SPRED1: variants seen among roughly 807,000 people sequenced by gnomAD.
SPRED1 encodes the protein sprouty-related, EVH1 domain-containing protein 1.
SPRED1 carries 18 observed loss-of-function variants against 52.3 expected under a neutral mutation model. The observed-to-expected ratio is 0.34, with a 90% CI of 0.24 to 0.51. The LOEUF (loss-of-function observed/expected upper bound fraction) is 0.51. Among genes scored for constraint, SPRED1 ranks in the 20% least tolerant of loss-of-function variants. The probability of loss-of-function intolerance (pLI) is 0.97; values close to 1 mark genes in which losing one functional copy is unlikely to be tolerated. For missense variants in SPRED1, 485 were observed against 551.0 expected, an observed-to-expected ratio of 0.88 and a Z score of 1.20; for synonymous variants, 155 against 179.7, an observed-to-expected ratio of 0.86 and a Z score of 1.10.
In SPRED1 at chr15:38,350,830, C is replaced by T. The variant is rs12914722; in HGVS notation, c.685-184C>T. 0.82 allele frequency among the ~76,000 whole-genome samples: 125,281 copies of T among 152,152 alleles called. 52,384 individuals are homozygous for T. The highest frequency in any genetic ancestry group is 0.9 in the Non-Finnish European group (60,974 of 68,016). On this transcript the variant is annotated intron_variant, in intron 6 of 6. Transcript: ENST00000299084. ...ACTGATTTTATGAGGTCCGCCTATA[C>T]CACAGAAGGTACTGTGCTTTCCTCA...
chr15:38,339,621 G>C, intron 4 of SPRED1, 116 bp from the exon 5 acceptor site: 1 of 1,006,782 alleles, frequency 9.9e-7, no homozygotes, highest in Admixed American at 1.8e-5. Context: ...TCATAGCGAT[G>C]GTAGCGATAT....
intron 1 of SPRED1, among the ~76,000 whole-genome samples, chr15:38,290,712 A>G (rs1894905705): frequency 6.6e-6 from 1 of 152,202 alleles, no homozygotes; most frequent in Non-Finnish European, 1.5e-5. Context: ...GAAACCCCTC[A>G]TAAACCCATC....
At chr15:38,279,051 C>A (rs1235056657) in intron 1 of SPRED1, among the ~76,000 whole-genome samples, 1 of 152,122 alleles carries the variant, frequency 6.6e-6, no homozygotes, top group African/African-American at 2.4e-5. Context: ...TGGTCTCGAA[C>A]TCCTGACCTC....
At position 38,351,476 on chromosome 15, in the gene SPRED1, T is replaced by C. The variant is rs755208632; in HGVS notation, c.1147T>C (p.Ser383Pro). 5 of 1,614,160 alleles carry C rather than the reference T, an allele frequency of 3.1e-6. No homozygotes were observed. The highest frequency in any genetic ancestry group is 1.6e-4 in the Middle Eastern group (1 of 6,062). The change falls in exon 7 of 7, where the codon TCA (serine) becomes CCA (proline). Residue 383 changes from serine (S) to proline (P), a missense_variant. Ser to Pro is a moderately conservative substitution (Grantham distance 74, BLOSUM62 -1). Around this residue, in one of 5 missense-constraint regions of SPRED1, gnomAD observed 205 missense variants for 245.2 expected, o/e 0.84. Coordinates refer to ENST00000299084, the MANE Select transcript of SPRED1 (RefSeq NM_152594.3). ...CATGTTGTATCATTGTATGTCAGAC[T>C]CAGAGGGAGATTTTTCTGATCCCTG... ...ESMLYHCMSD[S>P]EGDFSDPCSC...
intron 1 of SPRED1, among the ~76,000 whole-genome samples, chr15:38,276,195 C>T (rs1017640586): frequency 2.1e-4 from 31 of 149,298 alleles, no homozygotes; most frequent in Non-Finnish European, 4.3e-4. Flanking sequence ...TACTAGGAGA[C>T]ATTGTGCTGT....
intron 5 of SPRED1, among the ~76,000 whole-genome samples, chr15:38,344,548 C>G (rs751967834): frequency 7.9e-5 from 12 of 152,250 alleles, no homozygotes; most frequent in Non-Finnish European, 1.3e-4. Context: ...GCAGACAGCT[C>G]TTAGCTTTGG....
At chr15:38,337,075 G>T (rs1056799535) in intron 4 of SPRED1, among the ~76,000 whole-genome samples, 2 of 152,032 alleles carry the variant, frequency 1.3e-5, no homozygotes, top group Admixed American at 6.6e-5. Flanking sequence ...AAAGCTTTTG[G>T]TACATTTTAT....
rs1894965090 is a variant in SPRED1 at position 38,293,384 on chromosome 15, C to T, written c.33-5989C>T. On this transcript the variant is annotated intron_variant, in intron 1 of 6. Coordinates refer to ENST00000299084, the MANE Select transcript of SPRED1 (RefSeq NM_152594.3). ...AAGTGCTGGGATTGCAGGAGTGAGC[C>T]ACCACACCCGGCTCCAAGATTACAA... 5.9e-5 allele frequency among the ~76,000 whole-genome samples: 9 copies of T among 152,200 alleles called. No individual in the cohort carries two copies. The South Asian group carries it at 1.7e-3, about 28-fold the overall frequency.
intron 5 of SPRED1, among the ~76,000 whole-genome samples, chr15:38,346,655 A>T (rs1481353588): frequency 6.6e-6 from 1 of 152,012 alleles, no homozygotes; most frequent in Non-Finnish European, 1.5e-5. Context: ...TTATTCTCCC[A>T]ATTGGATATT....
intron 5 of SPRED1, among the ~76,000 whole-genome samples, chr15:38,342,043 TC>T (rs71418804): frequency 0.064 from 7,668 of 120,692 alleles, 429 homozygotes; most frequent in African/African-American, 0.13. Context: ...TTTTTTTTTT[TC>T]CCCCAGGGTG....
At chr15:38,271,524 A>T (rs1894434445) in intron 1 of SPRED1, among the ~76,000 whole-genome samples, 1 of 152,208 alleles carries the variant, frequency 6.6e-6, no homozygotes. Context: ...AAAGGATAGA[A>T]ACTAACATTT....
rs528240598 is a variant in SPRED1 at position 38,280,346 on chromosome 15, G to C, written c.33-19027G>C. On this transcript the variant is annotated intron_variant, in intron 1 of 6. Coordinates refer to ENST00000299084, the MANE Select transcript of SPRED1 (RefSeq NM_152594.3). ...TGAAAATCTCCAAAAACACTATTCA[G>C]ATTCTCATGATAGCCAGAAGGGTAT... Among the ~76,000 whole-genome samples the C allele has an allele frequency of 2.0e-5, 3 of 152,228 alleles. No individual in the cohort carries two copies. In the East Asian group the frequency reaches 5.8e-4, roughly 29 times the overall value.
chr15:38,284,177 G>A (rs1308269354), intron 1 of SPRED1, among the ~76,000 whole-genome samples: 1 of 152,016 alleles, frequency 6.6e-6, no homozygotes, highest in Non-Finnish European at 1.5e-5. Flanking sequence ...TTTATTTACT[G>A]TATCAGCCTG....
intron 1 of SPRED1, among the ~76,000 whole-genome samples, chr15:38,273,963 C>T (rs546472974): frequency 1.3e-5 from 2 of 152,282 alleles, no homozygotes; most frequent in South Asian, 2.1e-4. Flanking sequence ...AATCCCGTCA[C>T]TACTTCTATT....
rs181985038 is a variant in SPRED1, at chr15:38,333,020, A to G, written c.424-6717A>G. On this transcript the variant is annotated intron_variant, in intron 4 of 6. Coordinates refer to ENST00000299084, the MANE Select transcript of SPRED1 (RefSeq NM_152594.3). ...CACTAATCACATTCATGAGGGCTCT[A>G]CCTTCCTAATTGAATCATAGCCCCA... is the stretch of plus-strand genomic sequence containing the variant. 2.9e-3 allele frequency among the ~76,000 whole-genome samples: 447 copies of G among 152,250 alleles called. 2 individuals carry two copies. Among genetic ancestry groups the G allele is most frequent in the Non-Finnish European group, 4.5e-3 (306 of 68,004 alleles).
intron 1 of SPRED1, among the ~76,000 whole-genome samples, chr15:38,278,901 C>A (rs1894625405): frequency 7.2e-6 from 1 of 138,796 alleles, no homozygotes. Flanking sequence ...AATCTTAGCT[C>A]ACTGCAACCT....
intron 1 of SPRED1, among the ~76,000 whole-genome samples, chr15:38,275,347 C>T (rs1894527179): frequency 6.6e-6 from 1 of 152,160 alleles, no homozygotes; most frequent in Non-Finnish European, 1.5e-5. Context: ...TCATAAGATG[C>T]TCCAGGCTCA....
chr15:38,355,889 G>A lies in SPRED1; in HGVS notation c.*4225G>A, dbSNP rs1172070216. 1 of 151,996 alleles carries A rather than the reference G, an allele frequency of 6.6e-6. No homozygotes were observed. Among genetic ancestry groups the A allele is most frequent in the Non-Finnish European group, 1.5e-5 (1 of 67,980 alleles). 9.4% of individuals were successfully genotyped at this position (151,996 alleles called of 1,614,324 possible). A position where few individuals can be genotyped will look rare whatever the true frequency, so the allele number is the denominator to read the frequency against. ...AAACATGAAGAATGAATTTCTTTAA[G>A]AGAGAAACACAACCGGAGGTGATTT... On this transcript the variant is annotated 3_prime_UTR_variant, in exon 7 of 7. Transcript: ENST00000299084.
At chr15:38,297,995 G>A (rs1019064559) in intron 1 of SPRED1, among the ~76,000 whole-genome samples, 13 of 152,042 alleles carry the variant, frequency 8.6e-5, no homozygotes, top group African/African-American at 2.9e-4. Context: ...AAATACTTAT[G>A]TCCAGAATAT....
Sources: gnomAD v4.1 joint callset for allele counts (sites outside exome capture counted in the v4.1 genomes callset) on GRCh38, gnomAD v4.1.1 for gene constraint, gnomAD v4.1.1 regional missense constraint, MANE v1.5 for transcripts, NCBI Gene and HGNC (gene_info 2026-07-23, HGNC 2026-07-21) for gene names.